TMEM106B: variants seen among roughly 807,000 people sequenced by gnomAD.
The protein encoded by TMEM106B is transmembrane protein 106B.
TMEM106B carries 15 observed loss-of-function variants against 31.1 expected under a neutral mutation model. The ratio of observed to expected loss-of-function variants is 0.48; its 90% confidence interval spans 0.32 to 0.74. TMEM106B has a LOEUF of 0.74. TMEM106B is among the 30% of genes least tolerant of loss of function. TMEM106B has a pLI of 0.03. For missense variants in TMEM106B, 283 were observed against 327.3 expected, an observed-to-expected ratio of 0.86 and a Z score of 1.04; for synonymous variants, 126 against 112.5, an observed-to-expected ratio of 1.12 and a Z score of -0.76.
intron 1 of TMEM106B, 31 bp from the exon 2 acceptor site, chr7:12,214,778 A>G (rs1291805341): frequency 3.9e-6 from 6 of 1,533,336 alleles, no homozygotes; most frequent in Non-Finnish European, 5.3e-6. Flanking sequence ...TTTTCCCTGA[A>G]GTTTACTGTA....
At chr7:12,215,405 T>A (rs1374732268) in intron 2 of TMEM106B, among the ~76,000 whole-genome samples, 1 of 151,708 alleles carries the variant, frequency 6.6e-6, no homozygotes, top group Admixed American at 6.6e-5. Context: ...TGACCTATTT[T>A]TTTTTTTTTT....
At position 12,240,663 on chromosome 7, in the gene TMEM106B, G is replaced by A. The variant is rs1306053321; in HGVS notation, c.*8688G>A. 1 of 148,626 alleles carries A rather than the reference G, an allele frequency of 6.7e-6. No individual in the cohort carries two copies. Among genetic ancestry groups the A allele is most frequent in the South Asian group, 2.1e-4 (1 of 4,772 alleles). 9.2% of individuals were successfully genotyped at this position (148,626 alleles called of 1,614,324 possible). On this transcript the variant is annotated 3_prime_UTR_variant, in exon 8 of 8. Transcript: ENST00000396668. Reference sequence around the variant, plus strand: ...AGGGAGAAGAATCATTAATAAGTTTGTGAGGCTTTTTTTTTTTTTCTGGTA... The same window carrying A: ...AGGGAGAAGAATCATTAATAAGTTTATGAGGCTTTTTTTTTTTTTCTGGTA...
chr7:12,222,018 A>G (rs1022808395), intron 3 of TMEM106B, among the ~76,000 whole-genome samples: 9 of 152,224 alleles, frequency 5.9e-5, no homozygotes, highest in African/African-American at 2.2e-4. Context: ...TTATTTCTTT[A>G]CAAATTGAGT....
In TMEM106B at chr7:12,242,827, A is replaced by C. The variant is rs1036933177; in HGVS notation, c.*10852A>C. 1 of 152,122 alleles carries C rather than the reference A, an allele frequency of 6.6e-6. No individual in the cohort carries two copies. The highest frequency in any genetic ancestry group is 1.5e-5 in the Non-Finnish European group (1 of 67,992). 9.4% of individuals were successfully genotyped at this position (152,122 alleles called of 1,614,324 possible). A position where few individuals can be genotyped will look rare whatever the true frequency, so the allele number is the denominator to read the frequency against. ...GAAGTGAATATTTTCAATACTTATGAACCATAGAATTCTGTATTCTTTTCA... is the reference window on the plus strand; with the variant it reads ...GAAGTGAATATTTTCAATACTTATGCACCATAGAATTCTGTATTCTTTTCA... On this transcript the variant is annotated 3_prime_UTR_variant, in exon 8 of 8. Transcript: ENST00000396668.
At chr7:12,230,286 G>A (rs1475918107) in intron 5 of TMEM106B, 103 bp from the exon 6 acceptor site, 1 of 866,046 alleles carries the variant, frequency 1.2e-6, no homozygotes, top group South Asian at 1.4e-5. Context: ...AATCAAGCTT[G>A]TAAAAGGAGA....
In TMEM106B at chr7:12,234,090, C is replaced by T. The variant is rs1782082330; in HGVS notation, c.*2115C>T. 6.6e-6 allele frequency: 1 copy of T among 151,812 alleles called. No individual in the cohort carries two copies. The highest frequency in any genetic ancestry group is 1.5e-5 in the Non-Finnish European group (1 of 67,748). 9.4% of individuals were successfully genotyped at this position (151,812 alleles called of 1,614,324 possible). A position where few individuals can be genotyped will look rare whatever the true frequency, so the allele number is the denominator to read the frequency against. On this transcript the variant is annotated 3_prime_UTR_variant, in exon 8 of 8. Transcript: ENST00000396668. ...ACTTTATTATCACCATTCATTTCTT[C>T]AAAATTATCTTTTAGATACGCTCAT...
chr7:12,239,599 G>C lies in TMEM106B; in HGVS notation c.*7624G>C, dbSNP rs1782204833. The C allele has an allele frequency of 6.6e-6, 1 of 152,116 alleles. No homozygotes were observed. Among genetic ancestry groups the C allele is most frequent in the East Asian group, 1.9e-4 (1 of 5,190 alleles). The allele number at this position is 152,116 out of a possible 1,614,324, so 9.4% of individuals were successfully genotyped here. On this transcript the variant is annotated 3_prime_UTR_variant, in exon 8 of 8. Transcript: ENST00000396668. ...AATTATTTCTAGCTTTTGATTGAAAGTGAGAGATATGTGACTCTTCCTTTT... is the reference window on the plus strand; with the variant it reads ...AATTATTTCTAGCTTTTGATTGAAACTGAGAGATATGTGACTCTTCCTTTT...
rs916140513 is a variant in TMEM106B at position 12,230,234 on chromosome 7, A to C, written c.583-155A>C. On this transcript the variant is annotated intron_variant, in intron 5 of 7. Transcript: ENST00000396668. Reference sequence around the variant, plus strand: ...CTGTCTCAAAAAAGAAAAAAAAGAAAAAGAAATGTGTCTTATACACATACA... The same window carrying C: ...CTGTCTCAAAAAAGAAAAAAAAGAACAAGAAATGTGTCTTATACACATACA... 3 of 687,742 alleles carry C rather than the reference A, an allele frequency of 4.4e-6. No individual in the cohort carries two copies. In the African/African-American group the frequency reaches 5.5e-5, roughly 13 times the overall value. 42.6% of individuals were successfully genotyped at this position (687,742 alleles called of 1,614,324 possible).
Position 12,216,594 on chromosome 7 carries a change from C to A in TMEM106B, c.217+1567C>A, listed in dbSNP as rs897420342. Among the ~76,000 whole-genome samples, 24 of 152,208 alleles carry A rather than the reference C, an allele frequency of 1.6e-4. No individual in the cohort carries two copies. In the South Asian group the frequency reaches 2.1e-3, roughly 13 times the overall value. On this transcript the variant is annotated intron_variant, in intron 2 of 7. Transcript: ENST00000396668. ...AGCTCAGCTGGATGACAGCAGCAAG[C>A]TAGTCAGTGCAGATGGCAAAAATGA...
At chr7:12,221,164 A>C (rs922682029) in intron 3 of TMEM106B, among the ~76,000 whole-genome samples, 5 of 152,058 alleles carry the variant, frequency 3.3e-5, no homozygotes, top group African/African-American at 1.2e-4. Context: ...ATCAAAAGTA[A>C]CTGCCAAAAA....
chr7:12,219,531 T>A (rs974755265), intron 3 of TMEM106B, among the ~76,000 whole-genome samples: 3 of 152,250 alleles, frequency 2.0e-5, no homozygotes, highest in African/African-American at 7.2e-5. Flanking sequence ...GACACTTTAA[T>A]AAAGGCATGT....
intron 2 of TMEM106B, among the ~76,000 whole-genome samples, chr7:12,218,013 T>C (rs567701983): frequency 1.3e-5 from 2 of 152,072 alleles, no homozygotes; most frequent in Non-Finnish European, 2.9e-5. Flanking sequence ...AGGCCGGTTT[T>C]GGTTTTCAAG....
chr7:12,212,105 T>C (rs1329494562), intron 1 of TMEM106B, among the ~76,000 whole-genome samples: 1 of 152,206 alleles, frequency 6.6e-6, no homozygotes, highest in Non-Finnish European at 1.5e-5. Flanking sequence ...TCACAGAGTC[T>C]GGCACTTGTC....
At position 12,236,807 on chromosome 7, in the gene TMEM106B, A is replaced by C. The variant is rs1782146525; in HGVS notation, c.*4832A>C. 1 of 152,076 alleles carries C rather than the reference A, an allele frequency of 6.6e-6. No individual in the cohort carries two copies. The highest frequency in any genetic ancestry group is 1.5e-5 in the Non-Finnish European group (1 of 67,938). 9.4% of individuals were successfully genotyped at this position (152,076 alleles called of 1,614,324 possible). A position where few individuals can be genotyped will look rare whatever the true frequency, so the allele number is the denominator to read the frequency against. ...TTTTTATTATATAATGGTTTTAGGC[A>C]TAAATTATTAACAAGCCATGCCTTA... On this transcript the variant is annotated 3_prime_UTR_variant, in exon 8 of 8. Transcript: ENST00000396668.
chr7:12,214,785 T>C (rs376099222), intron 1 of TMEM106B, 24 bp from the exon 2 acceptor site: 98 of 1,561,196 alleles, frequency 6.3e-5, no homozygotes, highest in Non-Finnish European at 1.7e-5. Context: ...TGAAGTTTAC[T>C]GTAAGATTTT....
At chr7:12,224,434 A>G (rs1007965829) in intron 4 of TMEM106B, 49 bp downstream of exon 4, 15 of 1,487,864 alleles carry the variant, frequency 1.0e-5, no homozygotes, top group South Asian at 2.4e-5. Flanking sequence ...CTTTTATCCT[A>G]TTAAGCAGCA....
Position 12,233,410 on chromosome 7 carries a change from G to T in TMEM106B, c.*1435G>T, listed in dbSNP as rs1210163358. 1 of 151,128 alleles carries T rather than the reference G, an allele frequency of 6.6e-6. No homozygotes were observed. Among genetic ancestry groups the T allele is most frequent in the Non-Finnish European group, 1.5e-5 (1 of 67,536 alleles). 9.4% of individuals were successfully genotyped at this position (151,128 alleles called of 1,614,324 possible). The stretch of plus-strand genomic sequence containing the variant: ...TCCCCACCCCTAAGTGCCTAACTTA[G>T]GTCTGAAACAGCCTGTTTATTAGTC... On this transcript the variant is annotated 3_prime_UTR_variant, in exon 8 of 8. Transcript: ENST00000396668.
chr7:12,218,560 A>G (rs778890557), intron 3 of TMEM106B, 39 bp downstream of exon 3: 2 of 1,552,172 alleles, frequency 1.3e-6, no homozygotes, highest in Admixed American at 4.0e-5. Context: ...TTTATGTTTT[A>G]TTTTTGTTTT....
At chr7:12,231,758 T>G in intron 7 of TMEM106B, 79 bp from the exon 8 acceptor site, 1 of 1,115,078 alleles carries the variant, frequency 9.0e-7, no homozygotes, top group South Asian at 1.7e-5. Context: ...AGATAATTTT[T>G]ATGTGTTAAA....
Sources: allele counts gnomAD v4.1 joint callset (sites outside exome capture counted in the v4.1 genomes callset), GRCh38; gene constraint gnomAD v4.1.1; transcripts MANE v1.5; gene names NCBI Gene and HGNC (gene_info 2026-07-23, HGNC 2026-07-21).